The following OSBPL3 variants were observed in gnomAD, a reference collection of about 807,000 sequenced individuals.
OSBPL3 encodes the protein oxysterol-binding protein-related protein 3.
In OSBPL3, 65 loss-of-function variants were observed where a neutral mutation model predicts 120.1. That is an observed-to-expected ratio of 0.54 (90% CI 0.44 to 0.67). The LOEUF is 0.67. OSBPL3 is among the 30% of genes least tolerant of loss of function. The probability of loss-of-function intolerance (pLI) is 0.00; values close to 1 mark genes in which losing one functional copy is unlikely to be tolerated. For missense variants in OSBPL3, 1,004 were observed against 1,082.1 expected (o/e 0.93, Z 1.01); for synonymous variants, 416 against 402.6 (o/e 1.03, Z -0.40).
At chr7:24,905,108 T>C (rs1302085229) in intron 1 of OSBPL3, among the ~76,000 whole-genome samples, 1 of 148,040 alleles carries the variant, frequency 6.8e-6, no homozygotes, top group East Asian at 1.9e-4. Flanking sequence ...AAGGGCTTTG[T>C]GGACACATAG....
Position 24,849,307 on chromosome 7 carries a change from T to A in OSBPL3, c.1159-131A>T, listed in dbSNP as rs547233886. On this transcript the variant is annotated intron_variant, in intron 11 of 22. Transcript: ENST00000313367. The surrounding 1 kb of genome is among the most constrained non-coding windows in gnomAD (Gnocchi z 5.4). Reference sequence around the variant, plus strand: ...AGTGACGTGGTCTGACAGCGCACTTTCTGGACTTTTTCCTTGAATGCTCTC... The same window carrying A: ...AGTGACGTGGTCTGACAGCGCACTTACTGGACTTTTTCCTTGAATGCTCTC... The A allele has an allele frequency of 1.6e-6, 1 of 616,922 alleles. No individual in the cohort carries two copies. The highest frequency in any genetic ancestry group is 2.8e-6 in the Non-Finnish European group (1 of 354,582). The allele number at this position is 616,922 out of a possible 1,614,324, so 38.2% of individuals were successfully genotyped here. A position where few individuals can be genotyped will look rare whatever the true frequency, so the allele number is the denominator to read the frequency against.
rs1344485753 is a variant in OSBPL3 at position 24,822,667 on chromosome 7, C to T, written c.1885-2429G>A. Among the ~76,000 whole-genome samples the T allele has an allele frequency of 6.6e-6, 1 of 152,194 alleles. No individual in the cohort carries two copies. The highest frequency in any genetic ancestry group is 2.4e-5 in the African/African-American group (1 of 41,440). The stretch of plus-strand genomic sequence containing the variant: ...TTTGATGAAGAATTTGGCATCTTTA[C>T]AGGTATGGCCGAATGTAAACACAGT... On this transcript the variant is annotated intron_variant, in intron 16 of 22. Coordinates refer to ENST00000313367, the MANE Select transcript of OSBPL3 (RefSeq NM_015550.4). This position sits in a 1 kb window ranked among gnomAD's most constrained non-coding sequence, Gnocchi z 5.8.
intron 19 of OSBPL3, among the ~76,000 whole-genome samples, chr7:24,811,162 T>G (rs1182857476): frequency 1.3e-5 from 2 of 152,230 alleles, no homozygotes; most frequent in Non-Finnish European, 2.9e-5. Context: ...TGTTTCCTCT[T>G]CTCCATATCC....
At position 24,959,865 on chromosome 7, in the gene OSBPL3, G is replaced by A. The variant is rs2128512957; in HGVS notation, c.-150+20021C>T. Among the ~76,000 whole-genome samples the A allele has an allele frequency of 6.6e-6, 1 of 152,126 alleles. No individual in the cohort carries two copies. Among genetic ancestry groups the A allele is most frequent in the Non-Finnish European group, 1.5e-5 (1 of 67,970 alleles). ...GAGCCTACCACTGAAAACCGAACTT[G>A]AACAAAAAAGAATTTTCTATTTCCG... On this transcript the variant is annotated intron_variant, in intron 1 of 22. Transcript: ENST00000313367. The surrounding 1 kb of genome is among the most constrained non-coding windows in gnomAD (Gnocchi z 4.3).
chr7:24,966,845 A>C lies in OSBPL3; in HGVS notation c.-150+13041T>G, dbSNP rs570978985. ...GAGGCTGATCATTATTTCCCAGGCA[A>C]AATTCATATATAAATCACATACATA... On this transcript the variant is annotated intron_variant, in intron 1 of 22. Coordinates refer to ENST00000313367, the MANE Select transcript of OSBPL3 (RefSeq NM_015550.4). This position sits in a 1 kb window ranked among gnomAD's most constrained non-coding sequence, Gnocchi z 4.8. Among the ~76,000 whole-genome samples, 1 of 152,344 alleles carries C rather than the reference A, an allele frequency of 6.6e-6. No individual in the cohort carries two copies. Among genetic ancestry groups the C allele is most frequent in the Admixed American group, 6.5e-5 (1 of 15,312 alleles).
chr7:24,910,622 G>A (rs1808680027), intron 1 of OSBPL3, among the ~76,000 whole-genome samples: 1 of 152,202 alleles, frequency 6.6e-6, no homozygotes, highest in African/African-American at 2.4e-5. Context: ...TTAATCCAAG[G>A]AGGAAACCAC....
intron 7 of OSBPL3, among the ~76,000 whole-genome samples, chr7:24,864,787 TGA>T (rs1256803081): frequency 6.6e-6 from 1 of 152,232 alleles, no homozygotes; most frequent in East Asian, 1.9e-4. Context: ...TTGAGAATGC[TGA>T]GTTTCCTTAT....
At chr7:24,889,959 A>G (rs1004941426) in intron 2 of OSBPL3, among the ~76,000 whole-genome samples, 15 of 152,208 alleles carry the variant, frequency 9.9e-5, no homozygotes, top group African/African-American at 3.6e-4. Flanking sequence ...TGCAAATATT[A>G]GACTTGACTC....
In OSBPL3 at chr7:24,877,588, G is replaced by A. The variant is rs142660503; in HGVS notation, c.97-5519C>T. 2.9e-3 allele frequency among the ~76,000 whole-genome samples: 449 copies of A among 152,238 alleles called. 4 individuals are homozygous for A. Among genetic ancestry groups the A allele is most frequent in the Middle Eastern group, 0.017 (5 of 294 alleles). On this transcript the variant is annotated intron_variant, in intron 2 of 22. Transcript: ENST00000313367. This position sits in a 1 kb window ranked among gnomAD's most constrained non-coding sequence, Gnocchi z 4.8. Reference sequence around the variant, plus strand: ...TCCTACTACCTGGGAAATAGGGGCCGAAATAAATGTTTACTGAATGAGTCT... The same window carrying A: ...TCCTACTACCTGGGAAATAGGGGCCAAAATAAATGTTTACTGAATGAGTCT...
chr7:24,804,261 A>G lies in OSBPL3; in HGVS notation c.2567+54T>C. On this transcript the variant is annotated intron_variant, in intron 22 of 22. Coordinates refer to ENST00000313367, the MANE Select transcript of OSBPL3 (RefSeq NM_015550.4). This position sits in a 1 kb window ranked among gnomAD's most constrained non-coding sequence, Gnocchi z 5.4. ...TGTTCACTTTCTGCAAACCAGAAGC[A>G]TAACGTGCTGGCACCACCTATCAAC... The G allele has an allele frequency of 6.2e-7, 1 of 1,609,868 alleles. No individual in the cohort carries two copies. Among genetic ancestry groups the G allele is most frequent in the African/African-American group, 1.3e-5 (1 of 74,962 alleles).
In OSBPL3 at chr7:24,878,675, GT is replaced by G. The variant is rs112452520; in HGVS notation, c.97-6607del. 4.4e-3 allele frequency among the ~76,000 whole-genome samples: 674 copies of G among 152,166 alleles called. 6 individuals are homozygous for G. The highest frequency in any genetic ancestry group is 0.016 in the African/African-American group (661 of 41,542). On this transcript the variant is annotated intron_variant, in intron 2 of 22. Transcript: ENST00000313367. Reference sequence around the variant, plus strand: ...AAATGTTTCTCAGCTATGGTTTTTTGTTTGTTTGTTTAGCACCAGCAGGCCT... The same window carrying G: ...AAATGTTTCTCAGCTATGGTTTTTTGTTGTTTGTTTAGCACCAGCAGGCCT...
At position 24,863,672 on chromosome 7, in the gene OSBPL3, G is replaced by A; in HGVS notation, c.674-73C>T. ...GGATCACTGTGCTGTCCCCATGCCA[G>A]CTACTTTTCCTTATTTATCTGTAGT... On this transcript the variant is annotated intron_variant, in intron 7 of 22. Transcript: ENST00000313367. The surrounding 1 kb of genome is among the most constrained non-coding windows in gnomAD (Gnocchi z 5.8). 3.1e-6 allele frequency: 3 copies of A among 962,810 alleles called. No homozygotes were observed. Among genetic ancestry groups the A allele is most frequent in the Non-Finnish European group, 4.9e-6 (3 of 609,748 alleles). 59.6% of individuals were successfully genotyped at this position (962,810 alleles called of 1,614,324 possible). A position where few individuals can be genotyped will look rare whatever the true frequency, so the allele number is the denominator to read the frequency against.
At position 24,834,438 on chromosome 7, in the gene OSBPL3, G is replaced by C. The variant is rs776229025; in HGVS notation, c.1746+48C>G. On this transcript the variant is annotated intron_variant, in intron 15 of 22. Transcript: ENST00000313367. This position sits in a 1 kb window ranked among gnomAD's most constrained non-coding sequence, Gnocchi z 5.2. ...GATGGGCCCCGTGAATGGCCTCGTG[G>C]CTTGGGGACCGAGGCTGGACAGTGG... The C allele has an allele frequency of 3.1e-5, 48 of 1,571,058 alleles. No homozygotes were observed. Among genetic ancestry groups the C allele is most frequent in the Non-Finnish European group, 3.8e-5 (44 of 1,158,804 alleles).
intron 1 of OSBPL3, among the ~76,000 whole-genome samples, chr7:24,963,048 C>T (rs560697934): frequency 6.6e-6 from 1 of 152,266 alleles, no homozygotes; most frequent in Non-Finnish European, 1.5e-5. Flanking sequence ...TTTTTGATGA[C>T]TGAATTATTT....
chr7:24,902,701 A>AAATAAAAAAAATAATAAT (rs1554400308), intron 1 of OSBPL3, among the ~76,000 whole-genome samples: 1 of 144,038 alleles, frequency 6.9e-6, no homozygotes, highest in African/African-American at 2.5e-5. Context: ...AAGAGAAAAT[A>AAATAAAAAAAATAATAAT]AATAATAATA....
rs1796851125 is a variant in OSBPL3 at position 24,835,196 on chromosome 7, C to G, written c.1496-460G>C. Reference sequence around the variant, plus strand: ...AGCAGCCATTTATATATTAGAGTATCTTCATTTCGTGTTTTCTCCATTTGT... The same window carrying G: ...AGCAGCCATTTATATATTAGAGTATGTTCATTTCGTGTTTTCTCCATTTGT... On this transcript the variant is annotated intron_variant, in intron 14 of 22. Coordinates refer to ENST00000313367, the MANE Select transcript of OSBPL3 (RefSeq NM_015550.4). This position sits in a 1 kb window ranked among gnomAD's most constrained non-coding sequence, Gnocchi z 4.8. Among the ~76,000 whole-genome samples, 1 of 152,120 alleles carries G rather than the reference C, an allele frequency of 6.6e-6. No homozygotes were observed. The highest frequency in any genetic ancestry group is 2.4e-5 in the African/African-American group (1 of 41,424).
At position 24,833,004 on chromosome 7, in the gene OSBPL3, GA is replaced by G. The variant is rs1293483017; in HGVS notation, c.1746+1481del. Among the ~76,000 whole-genome samples, 1 of 152,204 alleles carries G rather than the reference GA, an allele frequency of 6.6e-6. No homozygotes were observed. The highest frequency in any genetic ancestry group is 1.5e-5 in the Non-Finnish European group (1 of 68,030). Reference sequence around the variant, plus strand: ...TTGCCACAGCATGAAACATCTTTAAGAAACTTTCATCCTCAAAGCCAATCAT... The same window carrying G: ...TTGCCACAGCATGAAACATCTTTAAGAACTTTCATCCTCAAAGCCAATCAT... On this transcript the variant is annotated intron_variant, in intron 15 of 22. Transcript: ENST00000313367. The surrounding 1 kb of genome is among the most constrained non-coding windows in gnomAD (Gnocchi z 4.4).
At chr7:24,823,251 G>A (rs536004267) in intron 16 of OSBPL3, among the ~76,000 whole-genome samples, 123 of 152,194 alleles carry the variant, frequency 8.1e-4, no homozygotes, top group African/African-American at 2.7e-3. Context: ...ACTAAAAAAA[G>A]AACACATACA....
In OSBPL3 at chr7:24,819,384, T is replaced by C. The variant is rs1794845680; in HGVS notation, c.1948+791A>G. On this transcript the variant is annotated intron_variant, in intron 17 of 22. Coordinates refer to ENST00000313367, the MANE Select transcript of OSBPL3 (RefSeq NM_015550.4). The surrounding 1 kb of genome is among the most constrained non-coding windows in gnomAD (Gnocchi z 4.1). ...AGAGGGTTTTGGTGAGAGAGCAGTT[T>C]TAATTTTAAACTTTAATAGCAAAGG... Among the ~76,000 whole-genome samples the C allele has an allele frequency of 6.6e-6, 1 of 152,206 alleles. No homozygotes were observed. The highest frequency in any genetic ancestry group is 2.1e-4 in the South Asian group (1 of 4,830).
Sources: gnomAD v4.1 joint callset for allele counts (sites outside exome capture counted in the v4.1 genomes callset) on GRCh38, gnomAD v4.1.1 for gene constraint, Gnocchi (gnomAD v3.1) non-coding constraint, MANE v1.5 for transcripts, NCBI Gene and HGNC (gene_info 2026-07-23, HGNC 2026-07-21) for gene names.